FSTL5: variants seen among roughly 807,000 people sequenced by gnomAD.
The protein encoded by FSTL5 is follistatin like 5.
FSTL5 carries 62 observed loss-of-function variants against 89.1 expected under a neutral mutation model. The ratio of observed to expected loss-of-function variants is 0.70; its 90% CI spans 0.57 to 0.86. The LOEUF (loss-of-function observed/expected upper bound fraction) is 0.86. Among genes scored for constraint, FSTL5 ranks in the 40% least tolerant of loss-of-function variants. FSTL5 has a pLI of 0.00. For synonymous variants in FSTL5, 383 were observed against 346.2 expected, an observed-to-expected ratio of 1.11 and a Z score of -1.18; for missense variants, 1,057 against 1,001.6, an observed-to-expected ratio of 1.06 and a Z score of -0.75.
At chr4:161,981,562 T>C (rs1735827731) in intron 3 of FSTL5, among the ~76,000 whole-genome samples, 1 of 152,176 alleles carries the variant, frequency 6.6e-6, no homozygotes, top group South Asian at 2.1e-4. Context: ...TCTCCCATAT[T>C]TTCCTCTTTT....
intron 6 of FSTL5, among the ~76,000 whole-genome samples, chr4:161,714,837 A>G (rs1738921806): frequency 2.6e-5 from 4 of 152,142 alleles, no homozygotes; most frequent in South Asian, 2.1e-4. Flanking sequence ...GATTTTTTTC[A>G]TAAAAGCCTG....
intron 3 of FSTL5, among the ~76,000 whole-genome samples, chr4:161,998,846 A>AAC (rs1289091995): frequency 5.0e-5 from 6 of 120,358 alleles, no homozygotes; most frequent in Middle Eastern, 4.6e-3. Flanking sequence ...GAAGCAGTTA[A>AAC]ACACACACAC....
chr4:161,866,359 T>C (rs1732088022), intron 4 of FSTL5, among the ~76,000 whole-genome samples: 2 of 152,194 alleles, frequency 1.3e-5, no homozygotes, highest in Middle Eastern at 3.4e-3. Flanking sequence ...GACCTAGATG[T>C]CTGTAGAACT....
chr4:161,720,253 T>C (rs181469864), intron 6 of FSTL5, among the ~76,000 whole-genome samples: 4 of 147,438 alleles, frequency 2.7e-5, no homozygotes, highest in African/African-American at 9.9e-5. Context: ...AGCGTACAGA[T>C]ACATGAATAA....
intron 10 of FSTL5, among the ~76,000 whole-genome samples, chr4:161,512,942 C>T (rs1379772338): frequency 6.6e-6 from 1 of 151,958 alleles, no homozygotes; most frequent in Non-Finnish European, 1.5e-5. Flanking sequence ...ACTACACAAA[C>T]AGAAAGCATT....
At chr4:161,880,417 C>A (rs949288336) in intron 4 of FSTL5, among the ~76,000 whole-genome samples, 5 of 151,902 alleles carry the variant, frequency 3.3e-5, no homozygotes, top group African/African-American at 1.2e-4. Flanking sequence ...CATAAAAAAA[C>A]AAACTCATAT....
chr4:161,595,428 CAG>C (rs1464238884), intron 7 of FSTL5, among the ~76,000 whole-genome samples: 1 of 151,998 alleles, frequency 6.6e-6, no homozygotes, highest in Admixed American at 6.6e-5. Context: ...TACACCATTA[CAG>C]AGTTGCCTTA....
At chr4:161,761,052 T>C (rs1280806524) in intron 5 of FSTL5, among the ~76,000 whole-genome samples, 1 of 152,216 alleles carries the variant, frequency 6.6e-6, no homozygotes, top group Non-Finnish European at 1.5e-5. Context: ...GAGTTCTTTA[T>C]TTTTGTGTAT....
intron 6 of FSTL5, among the ~76,000 whole-genome samples, chr4:161,713,045 CA>C (rs1738853696): frequency 6.6e-6 from 1 of 152,082 alleles, no homozygotes; most frequent in Admixed American, 6.6e-5. Flanking sequence ...GCAACACAAA[CA>C]GACTAACACA....
At chr4:162,124,809 C>T (rs895330515) in intron 1 of FSTL5, among the ~76,000 whole-genome samples, 3 of 152,206 alleles carry the variant, frequency 2.0e-5, no homozygotes, top group African/African-American at 7.2e-5. Flanking sequence ...ACGCCATTCT[C>T]CTGCCTCAGC....
At chr4:161,708,157 C>T (rs151121926) in intron 6 of FSTL5, among the ~76,000 whole-genome samples, 80 of 152,112 alleles carry the variant, frequency 5.3e-4, no homozygotes, top group African/African-American at 1.9e-3. Context: ...GCAAATAAAA[C>T]ATTGTAAATC....
At chr4:161,552,633 TTAA>T (rs1254902868) in intron 8 of FSTL5, 5 of 151,760 alleles carry the variant, frequency 3.3e-5, no homozygotes, top group African/African-American at 1.2e-4. Context: ...ACATGAAATT[TTAA>T]TTCTCATATA....
chr4:161,801,961 T>A lies in FSTL5; in HGVS notation c.410-25887A>T, dbSNP rs190950258. ...GTCTTCACAGTATTTAAGAATAGAA[T>A]CTAACTTTATGATGATACTCAAGCC... On this transcript the variant is annotated intron_variant, in intron 4 of 15. Coordinates refer to ENST00000306100, the MANE Select transcript of FSTL5 (RefSeq NM_020116.5). 4.0e-3 allele frequency among the ~76,000 whole-genome samples: 613 copies of A among 151,796 alleles called. 3 individuals are homozygous for A. The highest frequency in any genetic ancestry group is 0.014 in the African/African-American group (588 of 41,528).
At chr4:161,486,951 ATTGAAAAGCAC>A in intron 12 of FSTL5, among the ~76,000 whole-genome samples, 1 of 152,222 alleles carries the variant, frequency 6.6e-6, no homozygotes, top group African/African-American at 2.4e-5. Context: ...TTCCACAGCT[ATTGAAAAGCAC>A]CCCAAAATAC....
At chr4:162,020,403 G>A (rs981981365) in intron 3 of FSTL5, among the ~76,000 whole-genome samples, 7 of 151,908 alleles carry the variant, frequency 4.6e-5, no homozygotes, top group Non-Finnish European at 7.4e-5. Context: ...CTCAGTCTTC[G>A]TTCACATATT....
chr4:161,497,182 A>C (rs906911461), intron 12 of FSTL5, among the ~76,000 whole-genome samples: 3 of 152,128 alleles, frequency 2.0e-5, no homozygotes, highest in Admixed American at 2.0e-4. Context: ...TTGCATGTAC[A>C]TGACAGTATT....
chr4:161,897,772 T>G (rs114522509), intron 4 of FSTL5, among the ~76,000 whole-genome samples: 5 of 151,904 alleles, frequency 3.3e-5, no homozygotes, highest in African/African-American at 1.2e-4. Context: ...CTTTGTGTTG[T>G]ACATTTGGTT....
Position 162,042,650 on chromosome 4 carries a change from T to G in FSTL5, c.127-8992A>C, listed in dbSNP as rs113741649. ...TTATATAATATACTTTTAAAAAACC[T>G]ATCCATGGTACCCACACATATAGGC... On this transcript the variant is annotated intron_variant, in intron 2 of 15. Coordinates refer to ENST00000306100, the MANE Select transcript of FSTL5 (RefSeq NM_020116.5). Among the ~76,000 whole-genome samples the G allele has an allele frequency of 1.4e-3, 210 of 152,186 alleles. 2 individuals are homozygous for G. Among genetic ancestry groups the G allele is most frequent in the Admixed American group, 3.9e-3 (60 of 15,270 alleles).
At chr4:161,857,991 G>C (rs2126887096) in intron 4 of FSTL5, among the ~76,000 whole-genome samples, 1 of 152,254 alleles carries the variant, frequency 6.6e-6, no homozygotes, top group Middle Eastern at 3.4e-3. Context: ...GTTAAAATCT[G>C]AATGTCAATG....
Sources: allele counts gnomAD v4.1 joint callset (sites outside exome capture counted in the v4.1 genomes callset), GRCh38; gene constraint gnomAD v4.1.1; transcripts MANE v1.5; gene names NCBI Gene and HGNC (gene_info 2026-07-23, HGNC 2026-07-21).